MMP26: variants seen among roughly 807,000 people sequenced by gnomAD.
The protein encoded by MMP26 is matrix metallopeptidase 26.
A neutral mutation model predicts 31.0 loss-of-function variants in MMP26; 33 were observed. That is an observed-to-expected ratio of 1.06 (90% CI 0.81 to 1.42). MMP26 has a LOEUF of 1.42. Among genes scored for constraint, MMP26 ranks in the 40% most tolerant of loss-of-function variants. MMP26 has a pLI of 0.00. For synonymous variants in MMP26, 122 were observed against 114.9 expected (o/e 1.06, Z -0.40); for missense variants, 347 against 316.1 (o/e 1.10, Z -0.74).
chr11:4,821,856 G>C, intron 2 of MMP26: 1 of 1,613,856 alleles, frequency 6.2e-7, no homozygotes, highest in Non-Finnish European at 8.5e-7. Flanking sequence ...GAATTGCCAA[G>C]ATTGGGATGA....
At chr11:4,898,797 G>T (rs73405039) in intron 2 of MMP26, among the ~76,000 whole-genome samples, 5,884 of 148,352 alleles carry the variant, frequency 0.04, 395 homozygotes, top group African/African-American at 0.14. Context: ...GAGTTTATTA[G>T]AAATTTAAGA....
chr11:4,747,654 A>C (rs553934859), intron 1 of MMP26, among the ~76,000 whole-genome samples: 1 of 152,282 alleles, frequency 6.6e-6, no homozygotes, highest in South Asian at 2.1e-4. Flanking sequence ...AGAAGGAGGA[A>C]AAAGGTAAGA....
chr11:4,817,264 A>G (rs1370066384), intron 2 of MMP26, among the ~76,000 whole-genome samples: 1 of 152,014 alleles, frequency 6.6e-6, no homozygotes, highest in East Asian at 1.9e-4. Flanking sequence ...TGTTCCTTGC[A>G]CTCTGCATAG....
intron 2 of MMP26, among the ~76,000 whole-genome samples, chr11:4,969,861 A>T (rs1589821371): frequency 6.6e-6 from 1 of 152,194 alleles, no homozygotes; most frequent in East Asian, 1.9e-4. Context: ...CTTGCCAAAG[A>T]TACGCCTATG....
intron 2 of MMP26, among the ~76,000 whole-genome samples, chr11:4,884,538 A>G (rs567866580): frequency 1.1e-4 from 17 of 152,252 alleles, no homozygotes; most frequent in African/African-American, 3.9e-4. Context: ...TCCCTTAGAG[A>G]GTATCATACT....
chr11:4,736,826 G>A (rs1409146335), intron 1 of MMP26: 3 of 152,482 alleles, frequency 2.0e-5, no homozygotes, highest in Non-Finnish European at 4.4e-5. Context: ...AAACTGATCT[G>A]TCTTGCATTG....
intron 2 of MMP26, among the ~76,000 whole-genome samples, chr11:4,894,564 T>C (rs1374470792): frequency 6.6e-6 from 1 of 152,140 alleles, no homozygotes; most frequent in Non-Finnish European, 1.5e-5. Flanking sequence ...GCAATTTTAA[T>C]CAATTAATGT....
chr11:4,776,219 A>C (rs184293760), intron 2 of MMP26, among the ~76,000 whole-genome samples: 9 of 152,174 alleles, frequency 5.9e-5, no homozygotes, highest in Non-Finnish European at 1.5e-5. Context: ...AGGTTGATTC[A>C]TATCTTTGTA....
chr11:4,819,696 G>A (rs1849469453), intron 2 of MMP26, among the ~76,000 whole-genome samples: 1 of 143,754 alleles, frequency 7.0e-6, no homozygotes, highest in African/African-American at 2.6e-5. Context: ...TCCTACTTCA[G>A]CTTACCCAGT....
chr11:4,805,615 T>C (rs961216610), intron 2 of MMP26, among the ~76,000 whole-genome samples: 2 of 152,194 alleles, frequency 1.3e-5, no homozygotes, highest in Admixed American at 6.5e-5. Flanking sequence ...CTGTGCTTGG[T>C]GCAGAGTAGG....
intron 2 of MMP26, chr11:4,803,822 C>G: frequency 6.2e-7 from 1 of 1,613,132 alleles, no homozygotes; most frequent in Non-Finnish European, 8.5e-7. Flanking sequence ...AACTTCAGCA[C>G]AGCCATGTGC....
intron 2 of MMP26, among the ~76,000 whole-genome samples, chr11:4,790,999 A>G (rs769100492): frequency 1.8e-4 from 27 of 152,202 alleles, no homozygotes; most frequent in Non-Finnish European, 3.4e-4. Context: ...ATGCTGCCTT[A>G]TATTTAAAAA....
chr11:4,769,376 C>T (rs1351483171), intron 2 of MMP26: 6 of 1,613,804 alleles, frequency 3.7e-6, no homozygotes, highest in South Asian at 2.2e-5. Context: ...TGGATGGTAA[C>T]AATAGGAGTG....
intron 2 of MMP26, chr11:4,804,479 G>A: frequency 1.1e-6 from 1 of 901,262 alleles, no homozygotes; most frequent in Non-Finnish European, 1.9e-6. Context: ...CTTTTGGATG[G>A]GACTATTGGA....
intron 2 of MMP26, among the ~76,000 whole-genome samples, chr11:4,809,764 T>C (rs1205883629): frequency 6.6e-6 from 1 of 152,166 alleles, no homozygotes; most frequent in African/African-American, 2.4e-5. Flanking sequence ...AGAATGAAGA[T>C]CAGTAGTCTT....
chr11:4,766,055 C>T (rs746708977), intron 1 of MMP26, among the ~76,000 whole-genome samples: 1 of 152,306 alleles, frequency 6.6e-6, no homozygotes, highest in African/African-American at 2.4e-5. Context: ...TGCATTCTTG[C>T]TAATATAGTC....
intron 2 of MMP26, chr11:4,881,952 C>A (rs1850471028): frequency 6.2e-7 from 1 of 1,613,882 alleles, no homozygotes. Context: ...CTCCTCACTG[C>A]ATTCCCTGGG....
At chr11:4,860,345 T>C (rs1176549475) in intron 2 of MMP26, 15 of 471,256 alleles carry the variant, frequency 3.2e-5, no homozygotes, top group Middle Eastern at 6.5e-4. Flanking sequence ...ATGGAGAGAC[T>C]AACGTCAGTG....
chr11:4,922,376 A>ATACCTC (rs3065181), intron 2 of MMP26, among the ~76,000 whole-genome samples: 91,452 of 151,122 alleles, frequency 0.61, 27,847 homozygotes, highest in East Asian at 0.68. Context: ...ATAGCAGAAA[A>ATACCTC]TACCTACATG....
Sources: gnomAD v4.1 joint callset for allele counts (sites outside exome capture counted in the v4.1 genomes callset) on GRCh38, gnomAD v4.1.1 for gene constraint, MANE v1.5 for transcripts, NCBI Gene and HGNC (gene_info 2026-07-23, HGNC 2026-07-21) for gene names.